Variants in FOCAD observed in about 807,000 individuals in gnomAD.
FOCAD encodes KIAA1797.
FOCAD carries 198 observed loss-of-function variants against 225.6 expected under a neutral mutation model. The ratio of observed to expected loss-of-function variants is 0.88; its 90% CI spans 0.78 to 0.99. The LOEUF (loss-of-function observed/expected upper bound fraction) is 0.99. FOCAD is among the 50% of genes least tolerant of loss of function. FOCAD has a pLI of 0.00. For missense variants in FOCAD, 2,713 were observed against 2,123.6 expected, an observed-to-expected ratio of 1.28 and a Z score of -5.46; for synonymous variants, 897 against 755.0, an observed-to-expected ratio of 1.19 and a Z score of -3.08.
chr9:20,969,364 G>T (rs994315422), intron 35 of FOCAD, among the ~76,000 whole-genome samples: 2 of 151,906 alleles, frequency 1.3e-5, no homozygotes, highest in African/African-American at 4.8e-5. Flanking sequence ...TAGTATTGAA[G>T]GTAGAGTATT....
intron 8 of FOCAD, among the ~76,000 whole-genome samples, chr9:20,770,535 G>A (rs1483248796): frequency 6.6e-6 from 1 of 152,188 alleles, no homozygotes; most frequent in Admixed American, 6.5e-5. Flanking sequence ...AACAGCACCA[G>A]GAGGATTGTG....
chr9:20,791,958 G>A (rs1820581445), intron 11 of FOCAD, among the ~76,000 whole-genome samples: 1 of 152,156 alleles, frequency 6.6e-6, no homozygotes, highest in South Asian at 2.1e-4. Flanking sequence ...TAGGTGTGCC[G>A]AGATATTATC....
chr9:20,932,229 G>A (rs1835550045), intron 27 of FOCAD, among the ~76,000 whole-genome samples: 1 of 152,082 alleles, frequency 6.6e-6, no homozygotes, highest in Non-Finnish European at 1.5e-5. Context: ...CTTCACCTTG[G>A]GCAAAACTGC....
chr9:20,933,666 G>A (rs1462658894), intron 28 of FOCAD, among the ~76,000 whole-genome samples: 1 of 152,112 alleles, frequency 6.6e-6, no homozygotes, highest in Admixed American at 6.5e-5. Context: ...GAATTGTGCT[G>A]CTATAAACAT....
intron 15 of FOCAD, among the ~76,000 whole-genome samples, chr9:20,844,697 G>A (rs1826904452): frequency 1.3e-5 from 2 of 151,950 alleles, no homozygotes; most frequent in Admixed American, 1.3e-4. Flanking sequence ...CCTATTTGCA[G>A]TTGTGATGAA....
rs1563952656 is a variant in FOCAD at position 20,758,113 on chromosome 9, CTG to C, written c.419_420del (p.Val140AlafsTer2). ...AGAAATCATCCTCATCCTTTGATAA[CTG>C]TGCTTGAACACAGACCTGATTGCTG... is the stretch of plus-strand genomic sequence containing the variant. On this transcript the variant is annotated frameshift_variant, in exon 6 of 44. Coordinates refer to ENST00000338382, the MANE Select transcript of FOCAD (RefSeq NM_001375567.1). LOFTEE classifies it high-confidence loss of function. 6.2e-7 allele frequency: 1 copy of C among 1,609,808 alleles called. No homozygotes were observed. The highest frequency in any genetic ancestry group is 8.5e-7 in the Non-Finnish European group (1 of 1,178,438).
chr9:20,841,392 T>G (rs1826512626), intron 15 of FOCAD, among the ~76,000 whole-genome samples: 1 of 151,646 alleles, frequency 6.6e-6, no homozygotes. Context: ...CATCAGTTTC[T>G]GGGCTTTTTT....
intron 10 of FOCAD, among the ~76,000 whole-genome samples, chr9:20,782,767 C>G (rs899819735): frequency 2.0e-5 from 3 of 152,180 alleles, no homozygotes; most frequent in African/African-American, 4.8e-5. Flanking sequence ...GTGGCTTCAT[C>G]TGCAAAAGCA....
intron 9 of FOCAD, among the ~76,000 whole-genome samples, chr9:20,780,675 C>CATTAATATTACAAGGCTATT (rs1385814902): frequency 7.0e-4 from 107 of 152,154 alleles, no homozygotes; most frequent in African/African-American, 2.5e-3. Context: ...TAGTTGTTAA[C>CATTAATATTACAAGGCTATT]TGTAGCCTTG....
chr9:20,772,733 G>A (rs1276344443), intron 8 of FOCAD, among the ~76,000 whole-genome samples: 2 of 151,938 alleles, frequency 1.3e-5, no homozygotes, highest in African/African-American at 4.8e-5. Context: ...GGAAATGAGA[G>A]AGTAAATGTA....
intron 1 of FOCAD, among the ~76,000 whole-genome samples, chr9:20,708,691 A>T (rs1563898939): frequency 6.6e-6 from 1 of 151,982 alleles, no homozygotes; most frequent in Non-Finnish European, 1.5e-5. Context: ...TGGGCGGATC[A>T]CTTGAGCCCT....
chr9:20,664,675 C>T (rs1274105022), intron 2 of FOCAD, among the ~76,000 whole-genome samples: 7 of 138,914 alleles, frequency 5.0e-5, no homozygotes, highest in Non-Finnish European at 1.1e-4. Flanking sequence ...GATGAGGTCT[C>T]GCTTTGTTGA....
intron 15 of FOCAD, among the ~76,000 whole-genome samples, chr9:20,839,692 G>C (rs949640999): frequency 6.6e-6 from 1 of 151,648 alleles, no homozygotes; most frequent in Non-Finnish European, 1.5e-5. Context: ...AGTGTATATA[G>C]TTAAGGGGTA....
chr9:20,977,068 C>T (rs558283544), intron 36 of FOCAD, among the ~76,000 whole-genome samples: 4 of 152,228 alleles, frequency 2.6e-5, no homozygotes, highest in African/African-American at 9.6e-5. Flanking sequence ...GAATTCATTT[C>T]CTTTTCTTTT....
chr9:20,885,278 A>T, intron 21 of FOCAD, 48 bp downstream of exon 21: 1 of 1,360,254 alleles, frequency 7.4e-7, no homozygotes. Context: ...TTCTCCCTTC[A>T]TGATATGTTT....
chr9:20,777,242 A>G (rs980610624), intron 8 of FOCAD, among the ~76,000 whole-genome samples: 1 of 148,670 alleles, frequency 6.7e-6, no homozygotes, highest in African/African-American at 2.5e-5. Flanking sequence ...TATTGTTTTC[A>G]CTCAGGCAGG....
intron 15 of FOCAD, among the ~76,000 whole-genome samples, chr9:20,857,570 G>A (rs912143610): frequency 6.6e-6 from 1 of 151,538 alleles, no homozygotes; most frequent in Non-Finnish European, 1.5e-5. Flanking sequence ...TTTCCTATTG[G>A]GATGCCCTTT....
At chr9:20,775,693 T>C (rs1818685961) in intron 8 of FOCAD, among the ~76,000 whole-genome samples, 1 of 152,210 alleles carries the variant, frequency 6.6e-6, no homozygotes, top group Admixed American at 6.5e-5. Context: ...GTGGCATTCG[T>C]AGACCCAGCA....
intron 4 of FOCAD, among the ~76,000 whole-genome samples, chr9:20,722,077 G>C (rs191857223): frequency 7.1e-6 from 1 of 140,180 alleles, no homozygotes; most frequent in Non-Finnish European, 1.5e-5. Context: ...TTTCCTTTCT[G>C]ACTGGGTCTT....
Sources: allele counts gnomAD v4.1 joint callset (sites outside exome capture counted in the v4.1 genomes callset), GRCh38; gene constraint gnomAD v4.1.1; transcripts MANE v1.5; gene names NCBI Gene and HGNC (gene_info 2026-07-23, HGNC 2026-07-21).